Variants in FMNL2 observed in about 807,000 individuals in gnomAD.
FMNL2 encodes formin like 2.
Under a neutral mutation model 130.2 loss-of-function variants are expected in FMNL2, and 51 were observed. The observed-to-expected ratio is 0.39, with a 90% CI of 0.31 to 0.49. The LOEUF (loss-of-function observed/expected upper bound fraction) is 0.49, where lower values mean the gene tolerates loss of function less well. Among genes scored for constraint, FMNL2 ranks in the 20% least tolerant of loss-of-function variants. The pLI is 0.85. For missense variants in FMNL2, 977 were observed against 1,316.2 expected, an observed-to-expected ratio of 0.74 and a Z score of 3.99; for synonymous variants, 465 against 467.1, an observed-to-expected ratio of 1.00 and a Z score of 0.06.
At chr2:152,376,407 G>A (rs958974020) in intron 1 of FMNL2, among the ~76,000 whole-genome samples, 1 of 152,266 alleles carries the variant, frequency 6.6e-6, no homozygotes. Flanking sequence ...GGGATCCTTC[G>A]AACACTGCAT....
chr2:152,345,948 G>T (rs1160491530), intron 1 of FMNL2, among the ~76,000 whole-genome samples: 1 of 152,110 alleles, frequency 6.6e-6, no homozygotes, highest in African/African-American at 2.4e-5. Context: ...GAAATCTCCA[G>T]ATCATTTGTG....
chr2:152,591,091 C>A (rs1388620640), intron 9 of FMNL2, among the ~76,000 whole-genome samples: 1 of 144,336 alleles, frequency 6.9e-6, no homozygotes, highest in Non-Finnish European at 1.5e-5. Flanking sequence ...CTCACTGCAA[C>A]CTCCGTCTCC....
chr2:152,555,730 T>C (rs964982870), intron 4 of FMNL2, among the ~76,000 whole-genome samples: 2 of 152,220 alleles, frequency 1.3e-5, no homozygotes, highest in South Asian at 2.1e-4. Context: ...GGTAATTACA[T>C]TGAATCCGTG....
rs368330123 is a variant in FMNL2 at position 152,379,306 on chromosome 2, C to G, written c.117+43586C>G. On this transcript the variant is annotated intron_variant, in intron 1 of 25. Coordinates refer to ENST00000288670, the MANE Select transcript of FMNL2 (RefSeq NM_052905.4). ...TGTGTTGGTTTATTGGCCACCTCAT[C>G]ATGAGTGCTTCTACTTCGTTAGTGA... Among the ~76,000 whole-genome samples the G allele has an allele frequency of 1.8e-4, 28 of 152,320 alleles. No individual in the cohort carries two copies. In the South Asian group the frequency reaches 2.5e-3, roughly 14 times the overall value.
intron 1 of FMNL2, among the ~76,000 whole-genome samples, chr2:152,356,739 CT>C (rs61078878): frequency 5.1e-4 from 74 of 145,882 alleles, no homozygotes; most frequent in African/African-American, 1.7e-3. Flanking sequence ...CACTTTTGTG[CT>C]TTTTTTTTTT....
At chr2:152,341,506 G>A (rs990213489) in intron 1 of FMNL2, among the ~76,000 whole-genome samples, 24 of 152,308 alleles carry the variant, frequency 1.6e-4, no homozygotes, top group African/African-American at 5.3e-4. Flanking sequence ...CTGTCATTTA[G>A]CATTGGCCTG....
At chr2:152,385,412 C>T (rs1684725748) in intron 1 of FMNL2, among the ~76,000 whole-genome samples, 1 of 152,184 alleles carries the variant, frequency 6.6e-6, no homozygotes, top group Admixed American at 6.5e-5. Flanking sequence ...AAATATGCTT[C>T]CAATAAAAAC....
intron 6 of FMNL2, among the ~76,000 whole-genome samples, chr2:152,573,505 G>C (rs980684332): frequency 1.3e-5 from 2 of 152,158 alleles, no homozygotes; most frequent in Non-Finnish European, 2.9e-5. Context: ...TCCCTTATTT[G>C]CTATGTAGAT....
intron 1 of FMNL2, among the ~76,000 whole-genome samples, chr2:152,347,162 C>T (rs1410018588): frequency 1.3e-5 from 2 of 152,136 alleles, no homozygotes; most frequent in South Asian, 2.1e-4. Context: ...ATCAGAATCC[C>T]TCCCTCCCTC....
At chr2:152,339,029 T>G (rs1371425504) in intron 1 of FMNL2, among the ~76,000 whole-genome samples, 2 of 152,258 alleles carry the variant, frequency 1.3e-5, no homozygotes, top group African/African-American at 2.4e-5. Context: ...CTGTGTTTTT[T>G]GGGGGTTCTT....
intron 6 of FMNL2, among the ~76,000 whole-genome samples, chr2:152,561,503 G>A (rs1695522105): frequency 6.6e-6 from 1 of 151,816 alleles, no homozygotes; most frequent in Non-Finnish European, 1.5e-5. Context: ...ACAGAATGCT[G>A]TAGTGATAAT....
At position 152,341,494 on chromosome 2, in the gene FMNL2, G is replaced by A. The variant is rs11892659; in HGVS notation, c.117+5774G>A. Among the ~76,000 whole-genome samples, 364 of 152,300 alleles carry A rather than the reference G, an allele frequency of 2.4e-3. 1 individual carries two copies. The highest frequency in any genetic ancestry group is 8.5e-3 in the African/African-American group (355 of 41,554). On this transcript the variant is annotated intron_variant, in intron 1 of 25. Coordinates refer to ENST00000288670, the MANE Select transcript of FMNL2 (RefSeq NM_052905.4). ...GTGATAAGAAGTACTTTGGCTTGTG[G>A]CCTGTCATTTAGCATTGGCCTGGGA...
At chr2:152,370,765 T>C (rs1342057673) in intron 1 of FMNL2, among the ~76,000 whole-genome samples, 2 of 152,216 alleles carry the variant, frequency 1.3e-5, no homozygotes, top group East Asian at 3.8e-4. Flanking sequence ...TCAGGAAAGA[T>C]ATAATAGTTA....
intron 1 of FMNL2, among the ~76,000 whole-genome samples, chr2:152,499,422 T>A (rs1475437716): frequency 6.6e-6 from 1 of 151,992 alleles, no homozygotes; most frequent in Non-Finnish European, 1.5e-5. Context: ...AGTGTTTGGG[T>A]TGTTGTGATT....
chr2:152,574,446 A>G (rs1579995242), intron 6 of FMNL2, among the ~76,000 whole-genome samples: 1 of 151,522 alleles, frequency 6.6e-6, no homozygotes, highest in Non-Finnish European at 1.5e-5. Context: ...AAAAAAAAAA[A>G]AAAAAAAAGA....
intron 14 of FMNL2, 66 bp downstream of exon 14, chr2:152,619,224 G>A: frequency 6.8e-7 from 1 of 1,473,728 alleles, no homozygotes; most frequent in Non-Finnish European, 9.0e-7. Context: ...TTTGCCAACT[G>A]TCCACTTCTG....
chr2:152,525,168 A>G (rs1008065415), intron 2 of FMNL2, among the ~76,000 whole-genome samples: 1 of 152,194 alleles, frequency 6.6e-6, no homozygotes, highest in Non-Finnish European at 1.5e-5. Flanking sequence ...CTGTTATACC[A>G]GGGATCTGGA....
intron 1 of FMNL2, among the ~76,000 whole-genome samples, chr2:152,495,041 G>A (rs1691426755): frequency 6.6e-6 from 1 of 152,148 alleles, no homozygotes; most frequent in African/African-American, 2.4e-5. Context: ...TTGCGTTGGG[G>A]AATACACATA....
intron 1 of FMNL2, among the ~76,000 whole-genome samples, chr2:152,439,079 T>TTGTGTGTGTGTG (rs10539703): frequency 0.013 from 1,807 of 144,542 alleles, 43 homozygotes; most frequent in African/African-American, 0.042. Context: ...TTCAGTTTAA[T>TTGTGTGTGTGTG]TGTGTGTGTG....
Sources: gnomAD v4.1 joint callset for allele counts (sites outside exome capture counted in the v4.1 genomes callset) on GRCh38, gnomAD v4.1.1 for gene constraint, MANE v1.5 for transcripts, NCBI Gene and HGNC (gene_info 2026-07-23, HGNC 2026-07-21) for gene names.